The following EPHA3 variants were observed in gnomAD, a reference collection of about 807,000 sequenced individuals.
EPHA3 encodes ephrin type-A receptor 3.
A neutral mutation model predicts 107.1 loss-of-function variants in EPHA3; 42 were observed. The ratio of observed to expected loss-of-function variants is 0.39; its 90% CI spans 0.31 to 0.51. The LOEUF is 0.51. EPHA3 is among the 20% of genes least tolerant of loss of function. The probability of loss-of-function intolerance (pLI) is 0.78; values close to 1 mark genes in which losing one functional copy is unlikely to be tolerated. For synonymous variants in EPHA3, 461 were observed against 424.8 expected, an observed-to-expected ratio of 1.09 and a Z score of -1.05; for missense variants, 1,183 against 1,211.2, an observed-to-expected ratio of 0.98 and a Z score of 0.35.
chr3:89,389,511 A>G (rs188664005), intron 5 of EPHA3, among the ~76,000 whole-genome samples: 18 of 152,358 alleles, frequency 1.2e-4, no homozygotes, highest in Admixed American at 1.1e-3. Context: ...TCACAGAGAT[A>G]CCTCAGAGGT....
intron 2 of EPHA3, among the ~76,000 whole-genome samples, chr3:89,137,674 A>G (rs1277335124): frequency 2.6e-5 from 4 of 152,026 alleles, no homozygotes; most frequent in Non-Finnish European, 4.4e-5. Context: ...TAAAAATATT[A>G]CCAAAGTAAT....
At chr3:89,367,212 T>G (rs1708201958) in intron 5 of EPHA3, among the ~76,000 whole-genome samples, 1 of 150,918 alleles carries the variant, frequency 6.6e-6, no homozygotes, top group Non-Finnish European at 1.5e-5. Flanking sequence ...TAAACTTGCA[T>G]AAACTCGCTA....
At chr3:89,126,619 G>A (rs542229020) in intron 1 of EPHA3, among the ~76,000 whole-genome samples, 6 of 151,616 alleles carry the variant, frequency 4.0e-5, no homozygotes, top group African/African-American at 1.4e-4. Flanking sequence ...ATAAAACATA[G>A]TTTTACTTTG....
chr3:89,177,712 C>A (rs1013025891), intron 2 of EPHA3, among the ~76,000 whole-genome samples: 2 of 152,212 alleles, frequency 1.3e-5, no homozygotes, highest in Non-Finnish European at 2.9e-5. Flanking sequence ...ATTAAATGCA[C>A]TGTTTTATCA....
chr3:89,397,168 CAT>C (rs1310755994), intron 6 of EPHA3, among the ~76,000 whole-genome samples: 1 of 151,974 alleles, frequency 6.6e-6, no homozygotes, highest in East Asian at 1.9e-4. Context: ...TCATTTTTTT[CAT>C]AGTCTCTCTT....
In EPHA3 at chr3:89,275,967, G is replaced by T. The variant is rs376848466; in HGVS notation, c.815-64949G>T. 2.8e-4 allele frequency among the ~76,000 whole-genome samples: 43 copies of T among 152,112 alleles called. No homozygotes were observed. The East Asian group carries it at 3.5e-3, about 12-fold the overall frequency. ...AGGAAATATACTTGGCCAAATTTTGGGGAGTTGCAGAAGGTGTCTGAACTA... is the reference window on the plus strand; with the variant it reads ...AGGAAATATACTTGGCCAAATTTTGTGGAGTTGCAGAAGGTGTCTGAACTA... On this transcript the variant is annotated intron_variant, in intron 3 of 16. Transcript: ENST00000336596.
At chr3:89,121,384 T>C (rs1477079286) in intron 1 of EPHA3, among the ~76,000 whole-genome samples, 1 of 152,212 alleles carries the variant, frequency 6.6e-6, no homozygotes, top group Non-Finnish European at 1.5e-5. Flanking sequence ...CTGCACACAA[T>C]TGACACATAA....
At chr3:89,425,970 T>C (rs1487400175) in intron 11 of EPHA3, among the ~76,000 whole-genome samples, 5 of 151,668 alleles carry the variant, frequency 3.3e-5, no homozygotes, top group East Asian at 1.9e-4. Context: ...TGAAAGATCA[T>C]CATTTTATCT....
At chr3:89,332,001 T>C (rs1707300207) in intron 3 of EPHA3, among the ~76,000 whole-genome samples, 1 of 152,204 alleles carries the variant, frequency 6.6e-6, no homozygotes, top group South Asian at 2.1e-4. Flanking sequence ...ATCCTGAGTA[T>C]AGAGTTGAGC....
intron 1 of EPHA3, among the ~76,000 whole-genome samples, chr3:89,108,484 C>A (rs181257358): frequency 2.3e-4 from 35 of 152,232 alleles, no homozygotes; most frequent in Admixed American, 1.9e-3. Context: ...AGGTTGGATT[C>A]TCTTTGTTTA....
intron 11 of EPHA3, among the ~76,000 whole-genome samples, chr3:89,423,147 A>G (rs1709387014): frequency 6.6e-6 from 1 of 151,526 alleles, no homozygotes; most frequent in African/African-American, 2.4e-5. Flanking sequence ...ATTGGATGAG[A>G]TTAATGTATT....
chr3:89,193,992 C>T (rs762592755), intron 2 of EPHA3, among the ~76,000 whole-genome samples: 8 of 151,838 alleles, frequency 5.3e-5, no homozygotes, highest in Admixed American at 1.3e-4. Flanking sequence ...GGCTATGAAA[C>T]GGAATGCACT....
chr3:89,263,173 A>G (rs1037127766), intron 3 of EPHA3, among the ~76,000 whole-genome samples: 1 of 151,340 alleles, frequency 6.6e-6, no homozygotes, highest in African/African-American at 2.4e-5. Context: ...CCCTGTGTCC[A>G]TGTGTTCTCT....
intron 13 of EPHA3, among the ~76,000 whole-genome samples, chr3:89,432,042 T>A (rs1709578844): frequency 6.6e-6 from 1 of 152,154 alleles, no homozygotes; most frequent in African/African-American, 2.4e-5. Context: ...TATTCTATAT[T>A]GTTGTATCTT....
intron 2 of EPHA3, among the ~76,000 whole-genome samples, chr3:89,146,797 T>A (rs1327477070): frequency 6.6e-6 from 1 of 152,000 alleles, no homozygotes; most frequent in African/African-American, 2.4e-5. Context: ...AAGTCTTTAG[T>A]TCATCTTGAG....
chr3:89,348,696 A>C (rs1201230643), intron 5 of EPHA3, among the ~76,000 whole-genome samples: 1 of 92,444 alleles, frequency 1.1e-5, no homozygotes, highest in Non-Finnish European at 2.1e-5. Context: ...TAGTTCTTTT[A>C]ATTGTGATGT....
intron 3 of EPHA3, among the ~76,000 whole-genome samples, chr3:89,272,496 A>G (rs1396862504): frequency 2.6e-5 from 4 of 151,986 alleles, no homozygotes; most frequent in Non-Finnish European, 4.4e-5. Flanking sequence ...AAGTGTCAAG[A>G]AATTTTAATC....
chr3:89,246,116 G>T (rs1448504910), intron 3 of EPHA3, among the ~76,000 whole-genome samples: 1 of 152,068 alleles, frequency 6.6e-6, no homozygotes, highest in Non-Finnish European at 1.5e-5. Flanking sequence ...CACTGAGATA[G>T]TGACTTATAT....
intron 3 of EPHA3, among the ~76,000 whole-genome samples, chr3:89,296,764 A>G (rs1706363789): frequency 1.3e-5 from 2 of 152,170 alleles, no homozygotes; most frequent in African/African-American, 2.4e-5. Flanking sequence ...AAAGTCTCAG[A>G]TGGTATTTTC....
Sources: allele counts gnomAD v4.1 joint callset (sites outside exome capture counted in the v4.1 genomes callset), GRCh38; gene constraint gnomAD v4.1.1; transcripts MANE v1.5; gene names NCBI Gene and HGNC (gene_info 2026-07-23, HGNC 2026-07-21).